The following DPYD variants were observed in gnomAD, a reference collection of about 807,000 sequenced individuals.
DPYD encodes the protein dihydropyrimidine dehydrogenase.
In DPYD, 109 loss-of-function variants were observed where a neutral mutation model predicts 116.2. The observed-to-expected ratio is 0.94, with a 90% CI of 0.80 to 1.10. The LOEUF (loss-of-function observed/expected upper bound fraction) is 1.10. Ranked by LOEUF, DPYD falls within the 50% of genes least tolerant of loss-of-function variation. DPYD has a pLI of 0.00. For synonymous variants in DPYD, 440 were observed against 432.0 expected (o/e 1.02, Z -0.23); for missense variants, 1,302 against 1,254.5 (o/e 1.04, Z -0.57).
At chr1:97,726,845 C>T (rs1663291999) in intron 4 of DPYD, among the ~76,000 whole-genome samples, 1 of 151,466 alleles carries the variant, frequency 6.6e-6, no homozygotes, top group Non-Finnish European at 1.5e-5. Flanking sequence ...GAAAAAGAGA[C>T]ACGTTTGAAA....
At chr1:97,397,899 T>C (rs1673104141) in intron 14 of DPYD, among the ~76,000 whole-genome samples, 1 of 152,044 alleles carries the variant, frequency 6.6e-6, no homozygotes, top group South Asian at 2.1e-4. Flanking sequence ...TGTTGGATCC[T>C]ATGGTAAGAG....
intron 2 of DPYD, among the ~76,000 whole-genome samples, chr1:97,843,349 T>C (rs908965655): frequency 1.3e-5 from 2 of 152,166 alleles, no homozygotes; most frequent in Non-Finnish European, 2.9e-5. Context: ...CACTAGAACA[T>C]TCAGATTTAG....
intron 13 of DPYD, among the ~76,000 whole-genome samples, chr1:97,499,133 G>A (rs560693893): frequency 4.9e-4 from 75 of 151,732 alleles, no homozygotes; most frequent in African/African-American, 1.7e-3. Context: ...TTCTCCCTCA[G>A]GAGATATATC....
chr1:97,636,652 A>G (rs1304187216), intron 8 of DPYD, among the ~76,000 whole-genome samples: 1 of 152,194 alleles, frequency 6.6e-6, no homozygotes, highest in Non-Finnish European at 1.5e-5. Flanking sequence ...TAAAATCATC[A>G]TTAATAACAA....
intron 18 of DPYD, among the ~76,000 whole-genome samples, chr1:97,257,583 G>A (rs1238586311): frequency 6.6e-6 from 1 of 151,220 alleles, no homozygotes; most frequent in Non-Finnish European, 1.5e-5. Flanking sequence ...ATGTATATGT[G>A]TATATATATG....
At chr1:97,649,416 G>A (rs1005208819) in intron 8 of DPYD, among the ~76,000 whole-genome samples, 3 of 151,950 alleles carry the variant, frequency 2.0e-5, no homozygotes, top group African/African-American at 4.8e-5. Flanking sequence ...TTATAAATGC[G>A]TTTTTAAATC....
chr1:97,117,727 G>A (rs1652092724), intron 20 of DPYD, among the ~76,000 whole-genome samples: 1 of 152,104 alleles, frequency 6.6e-6, no homozygotes, highest in African/African-American at 2.4e-5. Flanking sequence ...AGTTGGTCAA[G>A]GTTCATAAAT....
At chr1:97,577,597 T>TA (rs1425591664) in intron 10 of DPYD, among the ~76,000 whole-genome samples, 2 of 152,174 alleles carry the variant, frequency 1.3e-5, no homozygotes, top group African/African-American at 4.8e-5. Flanking sequence ...GCATTATGTG[T>TA]ACCCCTTCAG....
chr1:97,605,683 AAATTTT>A (rs1432386604), intron 8 of DPYD, among the ~76,000 whole-genome samples: 1 of 152,268 alleles, frequency 6.6e-6, no homozygotes, highest in South Asian at 2.1e-4. Flanking sequence ...ACAGTTATTT[AAATTTT>A]AAGTCTCAGT....
At chr1:97,136,381 C>T (rs998035565) in intron 20 of DPYD, among the ~76,000 whole-genome samples, 25 of 152,090 alleles carry the variant, frequency 1.6e-4, no homozygotes, top group Admixed American at 1.0e-3. Context: ...GTTTTAAAGA[C>T]GAGAAAATGA....
intron 13 of DPYD, among the ~76,000 whole-genome samples, chr1:97,455,862 G>A (rs1676653792): frequency 6.6e-6 from 1 of 151,784 alleles, no homozygotes; most frequent in African/African-American, 2.4e-5. Context: ...TTTTTCTCTT[G>A]TAGTAGCTTA....
chr1:97,465,091 A>G (rs1319249613), intron 13 of DPYD, among the ~76,000 whole-genome samples: 1 of 152,080 alleles, frequency 6.6e-6, no homozygotes, highest in Non-Finnish European at 1.5e-5. Context: ...GTCAAAGGAG[A>G]TCATTTTGGA....
chr1:97,593,124 C>A, intron 10 of DPYD, 94 bp downstream of exon 10: 2 of 1,455,772 alleles, frequency 1.4e-6, no homozygotes, highest in Non-Finnish European at 1.9e-6. Context: ...TTGAATTTGA[C>A]AATTTCAACA....
chr1:97,626,710 GAC>G (rs1269637204), intron 8 of DPYD, among the ~76,000 whole-genome samples: 2 of 151,978 alleles, frequency 1.3e-5, no homozygotes, highest in African/African-American at 4.8e-5. Flanking sequence ...GCATTAGCCT[GAC>G]CATTATAAAA....
At chr1:97,281,252 G>A (rs922224150) in intron 18 of DPYD, among the ~76,000 whole-genome samples, 1 of 151,776 alleles carries the variant, frequency 6.6e-6, no homozygotes, top group Non-Finnish European at 1.5e-5. Context: ...TAACACCAGA[G>A]AATTTCCAGA....
chr1:97,250,315 C>T (rs1376182203), intron 18 of DPYD, among the ~76,000 whole-genome samples: 1 of 151,930 alleles, frequency 6.6e-6, no homozygotes, highest in African/African-American at 2.4e-5. Context: ...AGATAAATCA[C>T]TTTGGATAAT....
chr1:97,761,682 T>A (rs1665583457), intron 3 of DPYD, among the ~76,000 whole-genome samples: 1 of 152,112 alleles, frequency 6.6e-6, no homozygotes, highest in East Asian at 1.9e-4. Context: ...ACATAAATCA[T>A]TCTACCATAA....
chr1:97,460,724 G>A (rs1344677078), intron 13 of DPYD, among the ~76,000 whole-genome samples: 1 of 152,184 alleles, frequency 6.6e-6, no homozygotes, highest in African/African-American at 2.4e-5. Context: ...ACATTAACCA[G>A]TCAAGATTAA....
intron 16 of DPYD, among the ~76,000 whole-genome samples, chr1:97,351,308 TGAC>T (rs1315768235): frequency 6.6e-6 from 1 of 152,080 alleles, no homozygotes; most frequent in Non-Finnish European, 1.5e-5. Context: ...ATGAACTATA[TGAC>T]AAGTTGGAGA....
Sources: gnomAD v4.1 joint callset for allele counts (sites outside exome capture counted in the v4.1 genomes callset) on GRCh38, gnomAD v4.1.1 for gene constraint, MANE v1.5 for transcripts, NCBI Gene and HGNC (gene_info 2026-07-23, HGNC 2026-07-21) for gene names.